CAPSL: variants seen among roughly 807,000 people sequenced by gnomAD.
The protein encoded by CAPSL is calcyphosine like, also known as calcyphosin-like protein.
A neutral mutation model predicts 21.3 loss-of-function variants in CAPSL; 17 were observed. The observed-to-expected ratio is 0.80, with a 90% CI of 0.55 to 1.20. The LOEUF (loss-of-function observed/expected upper bound fraction) is 1.20, where lower values mean the gene tolerates loss of function less well. Among genes scored for constraint, CAPSL ranks in the 50% most tolerant of loss-of-function variants. The pLI is 0.00. For missense variants in CAPSL, 289 were observed against 259.3 expected, an observed-to-expected ratio of 1.11 and a Z score of -0.79; for synonymous variants, 102 against 89.3, an observed-to-expected ratio of 1.14 and a Z score of -0.80.
intron 1 of CAPSL, among the ~76,000 whole-genome samples, chr5:35,925,679 T>C (rs1738654268): frequency 1.3e-5 from 2 of 151,846 alleles, no homozygotes; most frequent in Non-Finnish European, 2.9e-5. Context: ...AAGGGAAAAA[T>C]TCTTCTTAAA....
intron 1 of CAPSL, among the ~76,000 whole-genome samples, chr5:35,925,852 G>A (rs1423330050): frequency 6.6e-6 from 1 of 152,110 alleles, no homozygotes; most frequent in African/African-American, 2.4e-5. Flanking sequence ...AGAGACGGGC[G>A]GATCACCTGA....
At chr5:35,932,296 T>A (rs1738843567) in intron 1 of CAPSL, among the ~76,000 whole-genome samples, 1 of 152,184 alleles carries the variant, frequency 6.6e-6, no homozygotes, top group Non-Finnish European at 1.5e-5. Flanking sequence ...AAAAGAAGAC[T>A]GGAAGTGCTT....
At position 35,920,974 on chromosome 5, in the gene CAPSL, TG is replaced by T; in HGVS notation, c.137+9del. On this transcript the variant is annotated intron_variant, in intron 2 of 4. Coordinates refer to ENST00000651391, the MANE Select transcript of CAPSL (RefSeq NM_001042625.2). ...CGCTCCATTCCCTGCCACTTGTAGC[TG>T]GGTCCTACCTGCCAAGTCCTTTGAT... 1 of 1,613,108 alleles carries T rather than the reference TG, an allele frequency of 6.2e-7. No homozygotes were observed. The highest frequency in any genetic ancestry group is 8.5e-7 in the Non-Finnish European group (1 of 1,179,618).
intron 1 of CAPSL, among the ~76,000 whole-genome samples, chr5:35,927,919 T>C (rs1468857852): frequency 1.3e-5 from 2 of 152,186 alleles, no homozygotes; most frequent in Non-Finnish European, 2.9e-5. Context: ...AAATAAATAT[T>C]GCATTCCAGA....
chr5:35,911,163 T>G (rs1042309173), intron 2 of CAPSL, among the ~76,000 whole-genome samples: 13 of 152,160 alleles, frequency 8.5e-5, no homozygotes, highest in Middle Eastern at 6.3e-3. Flanking sequence ...AATGACAAAT[T>G]TCTCTTGCAG....
chr5:35,926,176 G>T (rs1186428787), intron 1 of CAPSL, among the ~76,000 whole-genome samples: 1 of 152,158 alleles, frequency 6.6e-6, no homozygotes, highest in African/African-American at 2.4e-5. Flanking sequence ...ATAGGAGACT[G>T]TTGTTTCCAG....
chr5:35,932,898 T>G (rs1334328031), intron 1 of CAPSL, among the ~76,000 whole-genome samples: 1 of 152,168 alleles, frequency 6.6e-6, no homozygotes. Context: ...ATGCCCTCAG[T>G]GCAGGCAAAC....
intron 2 of CAPSL, among the ~76,000 whole-genome samples, chr5:35,917,107 A>T (rs1321460358): frequency 6.6e-6 from 1 of 152,262 alleles, no homozygotes; most frequent in Non-Finnish European, 1.5e-5. Flanking sequence ...CAAAAGACAT[A>T]TGAAAAAATG....
chr5:35,920,172 C>T (rs1048034962), intron 2 of CAPSL, among the ~76,000 whole-genome samples: 10 of 152,116 alleles, frequency 6.6e-5, no homozygotes, highest in Admixed American at 3.3e-4. Context: ...TGAAGCCTTC[C>T]GCATCTTCTG....
At chr5:35,930,331 A>T (rs912322805) in intron 1 of CAPSL, among the ~76,000 whole-genome samples, 1 of 152,198 alleles carries the variant, frequency 6.6e-6, no homozygotes, top group African/African-American at 2.4e-5. Flanking sequence ...GAGCTTTGAG[A>T]TGTGAATTCA....
intron 2 of CAPSL, among the ~76,000 whole-genome samples, chr5:35,914,194 C>A (rs182520017): frequency 5.3e-5 from 8 of 152,154 alleles, no homozygotes; most frequent in Admixed American, 1.3e-4. Context: ...TACAAGAGCA[C>A]GCAGATTCAT....
At chr5:35,926,804 T>A (rs2149930073) in intron 1 of CAPSL, among the ~76,000 whole-genome samples, 1 of 152,298 alleles carries the variant, frequency 6.6e-6, no homozygotes, top group South Asian at 2.1e-4. Context: ...TACATCCTCT[T>A]TGTTGCAAAA....
At chr5:35,905,981 C>T (rs889415630) in intron 4 of CAPSL, among the ~76,000 whole-genome samples, 1 of 152,114 alleles carries the variant, frequency 6.6e-6, no homozygotes. Flanking sequence ...CTGGGAATAT[C>T]AAAGATAATT....
chr5:35,910,393 G>C lies in CAPSL; in HGVS notation c.288C>G (p.Asp96Glu). 6.2e-7 allele frequency: 1 copy of C among 1,613,506 alleles called. No homozygotes were observed. The highest frequency in any genetic ancestry group is 8.5e-7 in the Non-Finnish European group (1 of 1,179,800). ...RFDKDGNGTI[D>E]FNEFLLTLRP... Reference sequence around the variant, plus strand: ...TTAATGTGAGAAGAAATTCATTGAAGTCTATTGTTCCATTTCCATCTTTAT... The same window carrying C: ...TTAATGTGAGAAGAAATTCATTGAACTCTATTGTTCCATTTCCATCTTTAT... Residue 96 changes from aspartate (D) to glutamate (E), a missense_variant, in exon 3 of 5, where the codon GAC becomes GAG. Physicochemically the swap from Asp to Glu is conservative, Grantham distance 45. Transcript: ENST00000651391.
intron 2 of CAPSL, among the ~76,000 whole-genome samples, chr5:35,913,839 A>T (rs186169884): frequency 6.6e-6 from 1 of 152,206 alleles, no homozygotes; most frequent in South Asian, 2.1e-4. Context: ...TAATGACAGG[A>T]TCAAATTCAA....
chr5:35,909,908 T>C lies in CAPSL; in HGVS notation c.483A>G (p.Lys161=), dbSNP rs1171953994. The stretch of plus-strand genomic sequence containing the variant: ...AGGGTGAATCAAAGTTATCCAGAAA[T>C]TTCCTAAATACTTGTTCCTCACTCC... The part of the protein sequence containing the change: ...GEWSEEQVFR[K]FLDNFDSPYD... The change falls in exon 4 of 5, where the codon AAA becomes AAG. Residue 161 remains lysine (K), a synonymous_variant. Coordinates refer to ENST00000651391, the MANE Select transcript of CAPSL (RefSeq NM_001042625.2). 2 of 1,613,704 alleles carry C rather than the reference T, an allele frequency of 1.2e-6. No individual in the cohort carries two copies. The highest frequency in any genetic ancestry group is 1.7e-6 in the Non-Finnish European group (2 of 1,179,880).
chr5:35,923,242 CAG>C (rs35280246), intron 1 of CAPSL, among the ~76,000 whole-genome samples: 27,646 of 152,010 alleles, frequency 0.18, 3,324 homozygotes, highest in East Asian at 0.51. Context: ...TGAAGAGAAA[CAG>C]AGACTAAAAA....
intron 4 of CAPSL, among the ~76,000 whole-genome samples, chr5:35,905,425 A>T (rs961239435): frequency 6.6e-6 from 1 of 152,186 alleles, no homozygotes; most frequent in African/African-American, 2.4e-5. Flanking sequence ...ATCATAAGAG[A>T]TGACTGACCC....
intron 1 of CAPSL, among the ~76,000 whole-genome samples, chr5:35,921,958 A>G (rs860415): frequency 0.59 from 89,436 of 151,514 alleles, 26,481 homozygotes; most frequent in South Asian, 0.66. Context: ...TAATTCTCAT[A>G]AGTCCACATA....
Sources: allele counts gnomAD v4.1 joint callset (sites outside exome capture counted in the v4.1 genomes callset), GRCh38; gene constraint gnomAD v4.1.1; transcripts MANE v1.5; gene names NCBI Gene and HGNC (gene_info 2026-07-23, HGNC 2026-07-21).